CACNB3: variants seen among roughly 807,000 people sequenced by gnomAD.
CACNB3 encodes voltage-dependent L-type calcium channel subunit beta-3.
Under a neutral mutation model 63.7 loss-of-function variants are expected in CACNB3, and 36 were observed. The observed-to-expected ratio is 0.57, with a 90% CI of 0.43 to 0.75. CACNB3 has a LOEUF of 0.75. CACNB3 is among the 30% of genes least tolerant of loss of function. The probability of loss-of-function intolerance (pLI) is 0.00; values close to 1 mark genes in which losing one functional copy is unlikely to be tolerated. For missense variants in CACNB3, 493 were observed against 648.6 expected (o/e 0.76, Z 2.61); for synonymous variants, 241 against 250.6 (o/e 0.96, Z 0.36).
In CACNB3 at chr12:48,826,483, C is replaced by A; in HGVS notation, c.859C>A (p.Pro287Thr). 6.2e-7 allele frequency: 1 copy of A among 1,614,112 alleles called. No individual in the cohort carries two copies. The highest frequency in any genetic ancestry group is 8.5e-7 in the Non-Finnish European group (1 of 1,180,002). ...ACAGCTGGCCAAGACCTCGCTGGCCCCCATCATCGTCTTTGTCAAAGTGTC... is the reference window on the plus strand; with the variant it reads ...ACAGCTGGCCAAGACCTCGCTGGCCACCATCATCGTCTTTGTCAAAGTGTC... Reference protein sequence around the residue: ...PAQLAKTSLAPIIVFVKVSSP... With the variant: ...PAQLAKTSLATIIVFVKVSSP... Residue 287 changes from proline (P) to threonine (T), a missense_variant, in exon 10 of 13, where the codon CCC becomes ACC. Physicochemically the swap from Pro to Thr is conservative, Grantham distance 38. Coordinates refer to ENST00000301050, the MANE Select transcript of CACNB3 (RefSeq NM_000725.4). This position sits in a 1 kb window ranked among gnomAD's most constrained non-coding sequence, Gnocchi z 4.8.
upstream of CACNB3, chr12:48,815,470 A>G: frequency 1.7e-6 from 2 of 1,143,936 alleles, no homozygotes; most frequent in South Asian, 3.2e-5. Flanking sequence ...AGAGACTGAC[A>G]GAGGCGGCGA....
chr12:48,822,079 G>GA (rs1465561182), intron 1 of CACNB3, among the ~76,000 whole-genome samples: 1 of 152,124 alleles, frequency 6.6e-6, no homozygotes, highest in Non-Finnish European at 1.5e-5. Context: ...GAGCTTGAGA[G>GA]AATGTTCCTC....
intron 1 of CACNB3, 118 bp downstream of exon 1, chr12:48,819,092 G>A (rs1937704097): frequency 1.0e-5 from 8 of 772,434 alleles, no homozygotes; most frequent in Middle Eastern, 5.5e-4. Flanking sequence ...AGGGTTTGTA[G>A]GGGGGCGCTC....
intron 12 of CACNB3, 61 bp from the exon 13 acceptor site, chr12:48,827,524 C>T (rs1938211847): frequency 1.1e-5 from 16 of 1,474,448 alleles, no homozygotes; most frequent in East Asian, 2.3e-5. Flanking sequence ...AATCTCGCAC[C>T]TCACCAGAAG....
chr12:48,826,889 C>G lies in CACNB3; in HGVS notation c.990+35C>G. On this transcript the variant is annotated intron_variant, in intron 11 of 12. Coordinates refer to ENST00000301050, the MANE Select transcript of CACNB3 (RefSeq NM_000725.4). This position sits in a 1 kb window ranked among gnomAD's most constrained non-coding sequence, Gnocchi z 4.8. ...TGGGTCAGCTGCTCCTGTGCCCACT[C>G]CCCCAGGGCTGCGGCAGTGATAGAG... The G allele has an allele frequency of 6.2e-7, 1 of 1,608,740 alleles. No individual in the cohort carries two copies. The highest frequency in any genetic ancestry group is 8.5e-7 in the Non-Finnish European group (1 of 1,175,226).
upstream of CACNB3, chr12:48,815,307 T>G (rs961630938): frequency 3.4e-5 from 10 of 297,482 alleles, no homozygotes; most frequent in East Asian, 1.7e-4. Flanking sequence ...CGGGAGGACT[T>G]TAGGGAAGAA....
rs1353257721 is a variant in CACNB3, at chr12:48,827,829, A to G, written c.1385A>G (p.Gln462Arg). 2 of 1,613,980 alleles carry G rather than the reference A, an allele frequency of 1.2e-6. No homozygotes were observed. The highest frequency in any genetic ancestry group is 3.3e-5 in the Admixed American group (2 of 60,006). Residue 462 changes from glutamine to arginine, a missense_variant, in exon 13 of 13, where the codon CAG becomes CGG. Physicochemically the swap from Gln to Arg is conservative, Grantham distance 43. Coordinates refer to ENST00000301050, the MANE Select transcript of CACNB3 (RefSeq NM_000725.4). Reference protein sequence around the residue: ...GHDPQDRLLAQDSEHNHSDRN... With the variant: ...GHDPQDRLLARDSEHNHSDRN... ...GACCCCCAAGACCGGCTTCTAGCCC[A>G]GGACTCAGAGCACAACCACAGTGAC...
rs1005696985 is a variant in CACNB3, at chr12:48,818,769, T to C, written c.-161T>C. The C allele has an allele frequency of 7.4e-7, 1 of 1,344,410 alleles. No homozygotes were observed. The highest frequency in any genetic ancestry group is 1.6e-5 in the African/African-American group (1 of 64,034). The allele number at this position is 1,344,410 out of a possible 1,614,324, so 83.3% of individuals were successfully genotyped here. ...TGATCTGAGCTCCGAGCAGCTGGTC[T>C]TCGCGGCTCGCTCCCTCCTTCGCGC... On this transcript the variant is annotated 5_prime_UTR_variant, in exon 1 of 13. Coordinates refer to ENST00000301050, the MANE Select transcript of CACNB3 (RefSeq NM_000725.4). This position sits in a 1 kb window ranked among gnomAD's most constrained non-coding sequence, Gnocchi z 4.3.
intron 1 of CACNB3, among the ~76,000 whole-genome samples, chr12:48,821,888 G>T (rs945473292): frequency 6.6e-6 from 1 of 152,164 alleles, no homozygotes; most frequent in African/African-American, 2.4e-5. Flanking sequence ...TCAGGCCTTT[G>T]GTCTACTATA....
chr12:48,825,603 A>C lies in CACNB3; in HGVS notation c.633-57A>C, dbSNP rs533746600. ...GGGAAGAGTTAGTGGGAGCTGAGTA[A>C]GGAGAGGCTGAGGCACAGGTTTAGA... On this transcript the variant is annotated intron_variant, in intron 8 of 12. Coordinates refer to ENST00000301050, the MANE Select transcript of CACNB3 (RefSeq NM_000725.4). The surrounding 1 kb of genome is among the most constrained non-coding windows in gnomAD (Gnocchi z 4.5). The C allele has an allele frequency of 8.6e-5, 136 of 1,573,550 alleles. No homozygotes were observed. The highest frequency in any genetic ancestry group is 1.1e-4 in the Non-Finnish European group (129 of 1,143,090).
At chr12:48,819,094 G>A (rs1220113553) in intron 1 of CACNB3, 120 bp downstream of exon 1, 1 of 1,073,984 alleles carries the variant, frequency 9.3e-7, no homozygotes, top group Non-Finnish European at 1.4e-6. Context: ...GGTTTGTAGG[G>A]GGGCGCTCTA....
intron 1 of CACNB3, among the ~76,000 whole-genome samples, chr12:48,822,881 CTT>C (rs1199785036): frequency 2.6e-5 from 4 of 152,166 alleles, no homozygotes; most frequent in African/African-American, 9.7e-5. Context: ...ACCAGCATCT[CTT>C]GACTGTTGCG....
At chr12:48,815,744 G>GT (rs879566757), upstream of CACNB3, 5 of 1,341,600 alleles carry the variant, frequency 3.7e-6, no homozygotes, top group Middle Eastern at 3.6e-4. Flanking sequence ...CGTGGGGGGG[G>GT]TGTGGGGTCG....
chr12:48,828,208 A>T lies in CACNB3; in HGVS notation c.*309A>T. On this transcript the variant is annotated 3_prime_UTR_variant, in exon 13 of 13. Transcript: ENST00000301050. Reference sequence around the variant, plus strand: ...CACTGGGCAGTGCCCTCAGGCCAGGATCCCCTTAGCAGGGTCCTTCCCACC... The same window carrying T: ...CACTGGGCAGTGCCCTCAGGCCAGGTTCCCCTTAGCAGGGTCCTTCCCACC... 2.2e-6 allele frequency: 1 copy of T among 455,316 alleles called. No individual in the cohort carries two copies. Among genetic ancestry groups the T allele is most frequent in the South Asian group, 2.4e-5 (1 of 42,348 alleles). 28.2% of individuals were successfully genotyped at this position (455,316 alleles called of 1,614,324 possible). A position where few individuals can be genotyped will look rare whatever the true frequency, so the allele number is the denominator to read the frequency against.
At chr12:48,815,584 G>A (rs1942264666), upstream of CACNB3, 1 of 1,527,952 alleles carries the variant, frequency 6.5e-7, no homozygotes, top group African/African-American at 1.4e-5. Flanking sequence ...GTGGGGCGAG[G>A]CCAGGCGTGC....
rs546838230 is a variant in CACNB3 at position 48,823,256 on chromosome 12, A to G, written c.46-88A>G. The G allele has an allele frequency of 2.7e-6, 4 of 1,509,198 alleles. No homozygotes were observed. Among genetic ancestry groups the G allele is most frequent in the Non-Finnish European group, 3.6e-6 (4 of 1,114,812 alleles). The allele number at this position is 1,509,198 out of a possible 1,614,324, so 93.5% of individuals were successfully genotyped here. A position where few individuals can be genotyped will look rare whatever the true frequency, so the allele number is the denominator to read the frequency against. ...CTTGGAGATGGAGAAACTGGGGGCA[A>G]TAGAGGCAACACTGTAAGGTGAGGA... On this transcript the variant is annotated intron_variant, in intron 1 of 12. Transcript: ENST00000301050. This position sits in a 1 kb window ranked among gnomAD's most constrained non-coding sequence, Gnocchi z 4.2.
At chr12:48,822,427 CAG>C (rs1315381909) in intron 1 of CACNB3, among the ~76,000 whole-genome samples, 1 of 152,168 alleles carries the variant, frequency 6.6e-6, no homozygotes, top group Non-Finnish European at 1.5e-5. Context: ...GGGCAGGACT[CAG>C]AGACTCTCCT....
chr12:48,826,482 C>G lies in CACNB3; in HGVS notation c.858C>G (p.Ala286=). The change falls in exon 10 of 13, where the codon GCC becomes GCG. Residue 286 remains alanine (A), a synonymous_variant. Transcript: ENST00000301050. The surrounding 1 kb of genome is among the most constrained non-coding windows in gnomAD (Gnocchi z 4.8). ...CACAGCTGGCCAAGACCTCGCTGGC[C>G]CCCATCATCGTCTTTGTCAAAGTGT... ...HPAQLAKTSL[A]PIIVFVKVSS... is the part of the protein sequence containing the mutation. 1.9e-6 allele frequency: 3 copies of G among 1,614,124 alleles called. No homozygotes were observed. The highest frequency in any genetic ancestry group is 2.5e-6 in the Non-Finnish European group (3 of 1,180,010).
upstream of CACNB3, chr12:48,817,048 A>G: frequency 1.0e-6 from 1 of 974,976 alleles, no homozygotes; most frequent in African/African-American, 1.7e-5. Context: ...AGAAGAATCC[A>G]GTATATGACC....
Sources: allele counts gnomAD v4.1 joint callset (sites outside exome capture counted in the v4.1 genomes callset), GRCh38; gene constraint gnomAD v4.1.1; non-coding constraint Gnocchi (gnomAD v3.1); transcripts MANE v1.5; gene names NCBI Gene and HGNC (gene_info 2026-07-23, HGNC 2026-07-21).